The following ANKRD6 variants were observed in gnomAD, a reference collection of about 807,000 sequenced individuals.
The protein encoded by ANKRD6 is ankyrin repeat domain 6, also known as ankyrin repeat domain-containing protein 6.
ANKRD6 carries 56 observed loss-of-function variants against 82.3 expected under a neutral mutation model. That is an observed-to-expected ratio of 0.68 (90% confidence interval 0.55 to 0.85). The LOEUF is 0.85. ANKRD6 is among the 40% of genes least tolerant of loss of function. ANKRD6 has a pLI of 0.00. For missense variants in ANKRD6, 852 were observed against 907.6 expected (o/e 0.94, Z 0.79); for synonymous variants, 347 against 352.1 (o/e 0.99, Z 0.16).
intron 1 of ANKRD6, among the ~76,000 whole-genome samples, chr6:89,519,957 T>C (rs577960693): frequency 2.0e-5 from 3 of 152,342 alleles, no homozygotes; most frequent in Admixed American, 6.5e-5. Context: ...ACTCAAGTTA[T>C]GAGACTCGAT....
At chr6:89,562,963 G>A (rs1417620077) in intron 1 of ANKRD6, 1 of 152,148 alleles carries the variant, frequency 6.6e-6, no homozygotes, top group Non-Finnish European at 1.5e-5. Flanking sequence ...ATAGCTGATG[G>A]CGCTCCATAG....
At chr6:89,434,686 A>G (rs996157947) in intron 1 of ANKRD6, among the ~76,000 whole-genome samples, 6 of 151,916 alleles carry the variant, frequency 3.9e-5, no homozygotes, top group South Asian at 2.1e-4. Context: ...CAGCCTCCCA[A>G]AGTGTTGGGA....
At chr6:89,454,894 G>T (rs764790226) in intron 1 of ANKRD6, among the ~76,000 whole-genome samples, 12 of 152,196 alleles carry the variant, frequency 7.9e-5, no homozygotes, top group Non-Finnish European at 1.8e-4. Context: ...AGGCTGATGA[G>T]CAGTGGTGCG....
intron 3 of ANKRD6, 185 bp from the exon 4 acceptor site, chr6:89,602,844 C>T (rs1024269784): frequency 2.6e-5 from 14 of 536,654 alleles, no homozygotes; most frequent in South Asian, 8.0e-5. Flanking sequence ...TCTCTGCCAG[C>T]GTGCGTTGTC....
At chr6:89,506,661 GACAAA>G (rs1462768033) in intron 1 of ANKRD6, among the ~76,000 whole-genome samples, 4 of 152,250 alleles carry the variant, frequency 2.6e-5, no homozygotes, top group Non-Finnish European at 5.9e-5. Flanking sequence ...AACGAAGCTG[GACAAA>G]ACAAAACAAA....
At chr6:89,575,610 T>G (rs1394744676) in intron 2 of ANKRD6, among the ~76,000 whole-genome samples, 2 of 152,112 alleles carry the variant, frequency 1.3e-5, no homozygotes, top group African/African-American at 2.4e-5. Flanking sequence ...TAAAAAAAAA[T>G]AAGCGATTTC....
At chr6:89,552,524 A>G (rs1785994023) in intron 1 of ANKRD6, among the ~76,000 whole-genome samples, 1 of 152,232 alleles carries the variant, frequency 6.6e-6, no homozygotes. Context: ...GCGCTTGGGA[A>G]CTATAAAGAA....
intron 8 of ANKRD6, chr6:89,616,938 C>G (rs41487148): frequency 5.2e-6 from 3 of 577,912 alleles, no homozygotes; most frequent in Non-Finnish European, 9.8e-6. Context: ...GTTAAACTGA[C>G]GAGTGGATGT....
chr6:89,628,914 A>T, intron 14 of ANKRD6, 198 bp from the exon 15 acceptor site: 1 of 590,174 alleles, frequency 1.7e-6, no homozygotes. Flanking sequence ...CTGGGGATCA[A>T]ATTTCAACAT....
At chr6:89,606,526 G>A (rs963214758) in intron 5 of ANKRD6, among the ~76,000 whole-genome samples, 56 of 152,242 alleles carry the variant, frequency 3.7e-4, no homozygotes, top group African/African-American at 1.3e-3. Flanking sequence ...CCACCTTTGG[G>A]AGACAATTTG....
intron 1 of ANKRD6, among the ~76,000 whole-genome samples, chr6:89,467,520 C>CT (rs1774984284): frequency 6.6e-6 from 1 of 152,158 alleles, no homozygotes; most frequent in Admixed American, 6.6e-5. Flanking sequence ...TATTTTAACT[C>CT]TTAACAGTCA....
intron 1 of ANKRD6, among the ~76,000 whole-genome samples, chr6:89,457,452 T>C (rs913773617): frequency 1.3e-5 from 2 of 152,366 alleles, no homozygotes; most frequent in African/African-American, 4.8e-5. Context: ...TCATCAAAAT[T>C]AAACATTACT....
In ANKRD6 at chr6:89,630,601, A is replaced by G; in HGVS notation, c.1781A>G (p.Gln594Arg). 6.2e-7 allele frequency: 1 copy of G among 1,613,942 alleles called. No homozygotes were observed. The highest frequency in any genetic ancestry group is 8.5e-7 in the Non-Finnish European group (1 of 1,179,836). ...TGSRLRNVKV[Q>R]TALLPMNEAA... is the part of the protein sequence containing the mutation. ...TCCCGACTGAGAAACGTCAAGGTCCAGACAGCCTTGCTACCCATGAATGAG... is the reference window on the plus strand; with the variant it reads ...TCCCGACTGAGAAACGTCAAGGTCCGGACAGCCTTGCTACCCATGAATGAG... The change falls in exon 16 of 16, where the codon CAG becomes CGG. Residue 594 changes from glutamine to arginine, a missense_variant. Gln to Arg is a conservative substitution (Grantham distance 43). Coordinates refer to ENST00000339746, the MANE Select transcript of ANKRD6 (RefSeq NM_001242809.2).
intron 12 of ANKRD6, 71 bp downstream of exon 12, chr6:89,624,128 T>TG: frequency 3.4e-6 from 5 of 1,472,612 alleles, no homozygotes; most frequent in Non-Finnish European, 4.6e-6. Context: ...ACGGCATTCC[T>TG]GGGGGCTGAT....
intron 1 of ANKRD6, among the ~76,000 whole-genome samples, chr6:89,465,360 A>T (rs2127778165): frequency 6.6e-6 from 1 of 151,958 alleles, no homozygotes; most frequent in Non-Finnish European, 1.5e-5. Context: ...ACCTCAAGTG[A>T]TCCGCCCACC....
intron 7 of ANKRD6, 73 bp downstream of exon 7, chr6:89,613,963 A>T (rs1389296369): frequency 6.7e-7 from 1 of 1,491,190 alleles, no homozygotes; most frequent in East Asian, 2.3e-5. Context: ...TGTTAGTGCA[A>T]ACGGGAGCAG....
chr6:89,437,139 T>C (rs1054605311), intron 1 of ANKRD6, among the ~76,000 whole-genome samples: 1 of 152,142 alleles, frequency 6.6e-6, no homozygotes, highest in African/African-American at 2.4e-5. Context: ...TCTCAAATGG[T>C]TTCCTAAGTC....
At chr6:89,525,861 T>C (rs1487436374) in intron 1 of ANKRD6, among the ~76,000 whole-genome samples, 1 of 152,244 alleles carries the variant, frequency 6.6e-6, no homozygotes, top group East Asian at 1.9e-4. Flanking sequence ...CAAAACTGGC[T>C]TGAGGTCTGC....
intron 9 of ANKRD6, among the ~76,000 whole-genome samples, chr6:89,620,586 C>T (rs1416297118): frequency 6.6e-6 from 1 of 152,078 alleles, no homozygotes; most frequent in Non-Finnish European, 1.5e-5. Context: ...CTATTACGGA[C>T]CAGAGATTGA....
Sources: gnomAD v4.1 joint callset for allele counts (sites outside exome capture counted in the v4.1 genomes callset) on GRCh38, gnomAD v4.1.1 for gene constraint, MANE v1.5 for transcripts, NCBI Gene and HGNC (gene_info 2026-07-23, HGNC 2026-07-21) for gene names.